RBMS3: variants seen among roughly 807,000 people sequenced by gnomAD.
RBMS3 encodes RNA-binding motif, single-stranded-interacting protein 3.
Under a neutral mutation model 66.8 loss-of-function variants are expected in RBMS3, and 27 were observed. The ratio of observed to expected loss-of-function variants is 0.40; its 90% CI spans 0.30 to 0.56. RBMS3 has a LOEUF of 0.56. Ranked by LOEUF, RBMS3 falls within the 20% of genes least tolerant of loss-of-function variation. The probability of loss-of-function intolerance (pLI) is 0.40; values close to 1 mark genes in which losing one functional copy is unlikely to be tolerated. For synonymous variants in RBMS3, 188 were observed against 183.0 expected (o/e 1.03, Z -0.22); for missense variants, 513 against 549.5 (o/e 0.93, Z 0.66).
At chr3:29,903,855 A>G (rs2060311946) in intron 10 of RBMS3, among the ~76,000 whole-genome samples, 1 of 151,934 alleles carries the variant, frequency 6.6e-6, no homozygotes, top group Non-Finnish European at 1.5e-5. Flanking sequence ...AAATGGCAAA[A>G]AAGTTGCAAG....
chr3:29,830,232 T>G (rs2058336236), intron 6 of RBMS3, among the ~76,000 whole-genome samples: 1 of 152,142 alleles, frequency 6.6e-6, no homozygotes, highest in South Asian at 2.1e-4. Flanking sequence ...TTTTCCTACA[T>G]TAAAAATTTT....
intron 6 of RBMS3, chr3:29,767,112 G>GC (rs1258359730): frequency 6.6e-6 from 1 of 151,910 alleles, no homozygotes; most frequent in East Asian, 1.9e-4. Flanking sequence ...TCTGGCAAAA[G>GC]CAAAGGGTTA....
chr3:29,637,650 G>A (rs1192349248), intron 4 of RBMS3, among the ~76,000 whole-genome samples: 2 of 151,822 alleles, frequency 1.3e-5, no homozygotes, highest in Non-Finnish European at 2.9e-5. Flanking sequence ...TCTCTTGCAT[G>A]TACAGGCAGC....
chr3:29,892,843 G>GTATGCATGTATTTATT (rs1336972891), intron 8 of RBMS3, among the ~76,000 whole-genome samples: 1 of 137,434 alleles, frequency 7.3e-6, no homozygotes, highest in Non-Finnish European at 1.5e-5. Flanking sequence ...ATGTATGTAT[G>GTATGCATGTATTTATT]TATTTATTTA....
At chr3:29,558,235 C>T (rs768727561) in intron 3 of RBMS3, among the ~76,000 whole-genome samples, 20 of 151,132 alleles carry the variant, frequency 1.3e-4, no homozygotes, top group East Asian at 3.9e-4. Context: ...GAGATACAAA[C>T]GAAAAATTTT....
intron 12 of RBMS3, among the ~76,000 whole-genome samples, chr3:29,979,788 G>T (rs1697857054): frequency 6.6e-6 from 1 of 152,178 alleles, no homozygotes; most frequent in Non-Finnish European, 1.5e-5. Flanking sequence ...TGGCTGCATA[G>T]TATTCCATGG....
chr3:29,395,720 C>T (rs1277536640), intron 1 of RBMS3, among the ~76,000 whole-genome samples: 2 of 152,098 alleles, frequency 1.3e-5, no homozygotes, highest in Non-Finnish European at 2.9e-5. Flanking sequence ...AAAACAAAGA[C>T]ATGTTTTAAA....
chr3:29,880,724 A>G (rs184221969), intron 7 of RBMS3: 12 of 1,480,496 alleles, frequency 8.1e-6, no homozygotes, highest in Admixed American at 7.9e-5. Flanking sequence ...GTTACCCACA[A>G]TGTTCCAAAT....
intron 6 of RBMS3, among the ~76,000 whole-genome samples, chr3:29,847,759 C>G (rs2058821477): frequency 6.6e-6 from 1 of 152,032 alleles, no homozygotes; most frequent in Admixed American, 6.5e-5. Context: ...GGGTTCACGC[C>G]ATTCTCCTGC....
In RBMS3 at chr3:29,957,197, C is replaced by T. The variant is rs541610376; in HGVS notation, c.1098+12943C>T. On this transcript the variant is annotated intron_variant, in intron 12 of 14. Coordinates refer to ENST00000383767, the MANE Select transcript of RBMS3 (RefSeq NM_001003793.3). ...TTGTAACATTTAGCACACTGAATCA[C>T]CATTTCCAGTTTAATTATCATTTCT... Among the ~76,000 whole-genome samples, 20 of 152,214 alleles carry T rather than the reference C, an allele frequency of 1.3e-4. No individual in the cohort carries two copies. The South Asian group carries it at 3.7e-3, about 28-fold the overall frequency.
intron 3 of RBMS3, among the ~76,000 whole-genome samples, chr3:29,553,297 G>T (rs898339034): frequency 3.3e-5 from 5 of 152,168 alleles, no homozygotes; most frequent in African/African-American, 9.7e-5. Flanking sequence ...ATTTGCAGTT[G>T]AAGTTTATTA....
At chr3:29,386,173 G>A (rs555257181) in intron 1 of RBMS3, among the ~76,000 whole-genome samples, 5 of 151,386 alleles carry the variant, frequency 3.3e-5, no homozygotes, top group African/African-American at 1.2e-4. Flanking sequence ...GAACAGAGCT[G>A]GAGAAAAACA....
intron 4 of RBMS3, among the ~76,000 whole-genome samples, chr3:29,603,728 C>T (rs921891994): frequency 3.9e-5 from 6 of 151,912 alleles, no homozygotes; most frequent in African/African-American, 1.4e-4. Context: ...CCTGAGGAAA[C>T]TTATGGTTTA....
intron 10 of RBMS3, among the ~76,000 whole-genome samples, chr3:29,913,730 C>T (rs1045828727): frequency 6.6e-6 from 1 of 152,040 alleles, no homozygotes; most frequent in African/African-American, 2.4e-5. Flanking sequence ...AATCAATACA[C>T]ATTAGAACCA....
chr3:29,794,723 G>T (rs766567747), intron 6 of RBMS3, among the ~76,000 whole-genome samples: 1 of 152,150 alleles, frequency 6.6e-6, no homozygotes, highest in East Asian at 1.9e-4. Context: ...AGCACTACTC[G>T]TCTCTGAAGA....
Position 29,533,448 on chromosome 3 carries a change from C to T in RBMS3, c.307+44949C>T, listed in dbSNP as rs1248569477. Among the ~76,000 whole-genome samples the T allele has an allele frequency of 2.0e-5, 3 of 152,144 alleles. 1 individual carries two copies. Among genetic ancestry groups the T allele is most frequent in the African/African-American group, 7.2e-5 (3 of 41,430 alleles). Reference sequence around the variant, plus strand: ...AGTGAGCTGTGATCATGCTATTGCACTCCAGCCTGGGTGACACAGTGAGGC... The same window carrying T: ...AGTGAGCTGTGATCATGCTATTGCATTCCAGCCTGGGTGACACAGTGAGGC... On this transcript the variant is annotated intron_variant, in intron 3 of 14. Transcript: ENST00000383767.
chr3:29,632,445 G>A (rs768248860), intron 4 of RBMS3, among the ~76,000 whole-genome samples: 3 of 151,820 alleles, frequency 2.0e-5, no homozygotes, highest in Non-Finnish European at 2.9e-5. Context: ...ATGACAAGTT[G>A]TTTTTGTACA....
intron 3 of RBMS3, among the ~76,000 whole-genome samples, chr3:29,503,261 C>T (rs1025088000): frequency 1.3e-5 from 2 of 152,032 alleles, no homozygotes; most frequent in African/African-American, 4.8e-5. Flanking sequence ...TCTGGTTTTT[C>T]TCAGAAAGTT....
intron 6 of RBMS3, among the ~76,000 whole-genome samples, chr3:29,785,896 C>T (rs921451253): frequency 2.0e-5 from 3 of 151,980 alleles, no homozygotes; most frequent in Non-Finnish European, 4.4e-5. Flanking sequence ...AATAGGAAGT[C>T]AAACTGTCAC....
Sources: gnomAD v4.1 joint callset for allele counts (sites outside exome capture counted in the v4.1 genomes callset) on GRCh38, gnomAD v4.1.1 for gene constraint, MANE v1.5 for transcripts, NCBI Gene and HGNC (gene_info 2026-07-23, HGNC 2026-07-21) for gene names.